The following GRID2 variants were observed in gnomAD, a reference collection of about 807,000 sequenced individuals.
GRID2 encodes glutamate ionotropic receptor delta type subunit 2.
In GRID2, 33 loss-of-function variants were observed where a neutral mutation model predicts 114.8. That is an observed-to-expected ratio of 0.29 (90% CI 0.22 to 0.38). The LOEUF (loss-of-function observed/expected upper bound fraction) is 0.38. GRID2 is among the 10% of genes least tolerant of loss of function. GRID2 has a pLI of 1.00. For synonymous variants in GRID2, 505 were observed against 449.9 expected (o/e 1.12, Z -1.55); for missense variants, 1,184 against 1,257.7 (o/e 0.94, Z 0.89).
chr4:93,416,282 GA>G (rs1251614201), intron 9 of GRID2, among the ~76,000 whole-genome samples: 1 of 151,974 alleles, frequency 6.6e-6, no homozygotes, highest in East Asian at 1.9e-4. Flanking sequence ...GTTTTTCCAA[GA>G]AGAACAGTGG....
At chr4:92,730,417 G>T (rs145183164) in intron 2 of GRID2, among the ~76,000 whole-genome samples, 1 of 151,862 alleles carries the variant, frequency 6.6e-6, no homozygotes, top group African/African-American at 2.4e-5. Flanking sequence ...ACCAGGAATG[G>T]CATGTTACTG....
intron 1 of GRID2, among the ~76,000 whole-genome samples, chr4:92,540,892 C>G (rs1247126334): frequency 6.6e-6 from 1 of 152,120 alleles, no homozygotes; most frequent in East Asian, 1.9e-4. Flanking sequence ...TGTGACCAAC[C>G]CAAATGTCCA....
At chr4:92,495,347 T>C (rs1024451543) in intron 1 of GRID2, among the ~76,000 whole-genome samples, 1 of 151,974 alleles carries the variant, frequency 6.6e-6, no homozygotes, top group African/African-American at 2.4e-5. Flanking sequence ...ATACTCAACA[T>C]ACACAATAGC....
At chr4:92,989,276 CAAAAAA>C (rs1182397768) in intron 2 of GRID2, among the ~76,000 whole-genome samples, 9 of 74,298 alleles carry the variant, frequency 1.2e-4, no homozygotes, top group African/African-American at 2.9e-4. Context: ...GACTCCATCT[CAAAAAA>C]AAAAAAAAAA....
chr4:92,560,679 C>T (rs1727062188), intron 1 of GRID2, among the ~76,000 whole-genome samples: 2 of 152,044 alleles, frequency 1.3e-5, no homozygotes, highest in South Asian at 4.1e-4. Flanking sequence ...ATTTCCAGAC[C>T]TTGTTGAAGC....
intron 11 of GRID2, among the ~76,000 whole-genome samples, chr4:93,459,025 CA>C (rs1334873626): frequency 1.3e-5 from 2 of 151,238 alleles, no homozygotes; most frequent in Non-Finnish European, 3.0e-5. Flanking sequence ...GCTAAAAATA[CA>C]AAAAAATGCC....
intron 1 of GRID2, among the ~76,000 whole-genome samples, chr4:92,343,854 G>A (rs539557218): frequency 6.6e-5 from 10 of 152,326 alleles, no homozygotes; most frequent in African/African-American, 1.2e-4. Context: ...AATTATAGGC[G>A]TGAGCCAGTG....
Position 92,460,033 on chromosome 4 carries a change from T to C in GRID2, c.89-130098T>C, listed in dbSNP as rs866115822. 9.3e-4 allele frequency among the ~76,000 whole-genome samples: 28 copies of C among 30,150 alleles called. 1 individual carries two copies. The highest frequency in any genetic ancestry group is 4.9e-3 in the African/African-American group (26 of 5,346). The allele number at this position is 30,150 out of a possible 152,430, so 19.8% of individuals were successfully genotyped here. A position where few individuals can be genotyped will look rare whatever the true frequency, so the allele number is the denominator to read the frequency against. On this transcript the variant is annotated intron_variant, in intron 1 of 15. Coordinates refer to ENST00000282020, the MANE Select transcript of GRID2 (RefSeq NM_001510.4). The stretch of plus-strand genomic sequence containing the variant: ...GCCCATTCCTTAAAATAAATCTCAC[T>C]ATATATATATATATATATATACACA...
chr4:93,496,612 T>C (rs747119906), intron 12 of GRID2, among the ~76,000 whole-genome samples: 1 of 151,806 alleles, frequency 6.6e-6, no homozygotes, highest in Non-Finnish European at 1.5e-5. Flanking sequence ...GAGTGTAATA[T>C]AGGATTGAAT....
intron 8 of GRID2, among the ~76,000 whole-genome samples, chr4:93,293,615 A>G (rs1219364340): frequency 6.6e-6 from 1 of 151,690 alleles, no homozygotes; most frequent in Non-Finnish European, 1.5e-5. Context: ...AAAAAAAAAA[A>G]TGCCTACAAA....
At chr4:93,241,175 A>G (rs1239915035) in intron 8 of GRID2, among the ~76,000 whole-genome samples, 2 of 151,792 alleles carry the variant, frequency 1.3e-5, no homozygotes, top group Non-Finnish European at 3.0e-5. Flanking sequence ...GCTGCTGTAT[A>G]TACAAATGAT....
rs1247140137 is a variant in GRID2, at chr4:92,333,648, T to C, written c.88+28904T>C. ...TTTAAATAATTTTTCTCCATTTGCATCTTACTATACATGGTTAAAACTAGA... is the reference window on the plus strand; with the variant it reads ...TTTAAATAATTTTTCTCCATTTGCACCTTACTATACATGGTTAAAACTAGA... On this transcript the variant is annotated intron_variant, in intron 1 of 15. Transcript: ENST00000282020. Among the ~76,000 whole-genome samples the C allele has an allele frequency of 2.0e-5, 3 of 152,298 alleles. No individual in the cohort carries two copies. The East Asian group carries it at 5.8e-4, about 29-fold the overall frequency.
chr4:92,980,040 A>T (rs1754095711), intron 2 of GRID2, among the ~76,000 whole-genome samples: 1 of 152,148 alleles, frequency 6.6e-6, no homozygotes, highest in Non-Finnish European at 1.5e-5. Flanking sequence ...TTTCCAGGTT[A>T]TATGTTATTC....
intron 13 of GRID2, among the ~76,000 whole-genome samples, chr4:93,549,718 TAA>T (rs1012446627): frequency 6.6e-6 from 1 of 152,136 alleles, no homozygotes. Context: ...TTCTTGTTCA[TAA>T]AAAGGAGAGA....
Position 93,801,323 on chromosome 4 carries a change from A to G in GRID2, c.222-5392A>G, listed in dbSNP as rs1377278234. 2.6e-5 allele frequency among the ~76,000 whole-genome samples: 4 copies of G among 152,192 alleles called. No individual in the cohort carries two copies. The East Asian group carries it at 7.7e-4, about 29-fold the overall frequency. On this transcript the variant is annotated intron_variant, in intron 1 of 1. Transcript: ENST00000637838. ...TTAACTATTATTTAAAATTGAGTTT[A>G]ATTTGAAAGTTTTAAGGTGAATAAG... is the stretch of plus-strand genomic sequence containing the variant.
At chr4:92,461,090 TTATA>T (rs1166383045) in intron 1 of GRID2, among the ~76,000 whole-genome samples, 1 of 151,598 alleles carries the variant, frequency 6.6e-6, no homozygotes, top group Non-Finnish European at 1.5e-5. Flanking sequence ...AATCATATAT[TTATA>T]TAACTTTCTT....
chr4:93,770,588 T>C (rs1217784740), intron 15 of GRID2, among the ~76,000 whole-genome samples: 1 of 152,214 alleles, frequency 6.6e-6, no homozygotes, highest in Non-Finnish European at 1.5e-5. Context: ...CCTGTGTGAA[T>C]GAGCATACAT....
chr4:92,576,827 C>G (rs951961017), intron 1 of GRID2, among the ~76,000 whole-genome samples: 3 of 152,158 alleles, frequency 2.0e-5, no homozygotes, highest in Non-Finnish European at 4.4e-5. Context: ...GCCATTGCTC[C>G]TGGGTGTGCC....
At chr4:93,198,439 T>C (rs1424266640) in intron 4 of GRID2, among the ~76,000 whole-genome samples, 1 of 151,898 alleles carries the variant, frequency 6.6e-6, no homozygotes, top group Non-Finnish European at 1.5e-5. Context: ...GGAAGAGCAA[T>C]CCAGGAGGCA....
Sources: gnomAD v4.1 joint callset for allele counts (sites outside exome capture counted in the v4.1 genomes callset) on GRCh38, gnomAD v4.1.1 for gene constraint, MANE v1.5 for transcripts, NCBI Gene and HGNC (gene_info 2026-07-23, HGNC 2026-07-21) for gene names.